Variants in IMPDH1 observed in about 807,000 individuals in gnomAD.
The protein encoded by IMPDH1 is inosine-5'-monophosphate dehydrogenase 1.
IMPDH1 carries 41 observed loss-of-function variants against 73.5 expected under a neutral mutation model. The observed-to-expected ratio is 0.56, with a 90% CI of 0.43 to 0.72. The LOEUF (loss-of-function observed/expected upper bound fraction) is 0.72. IMPDH1 is among the 30% of genes least tolerant of loss of function. IMPDH1 has a pLI of 0.00. For missense variants in IMPDH1, 645 were observed against 824.8 expected, an observed-to-expected ratio of 0.78 and a Z score of 2.67; for synonymous variants, 318 against 334.3, an observed-to-expected ratio of 0.95 and a Z score of 0.53.
rs931888755 is a variant in IMPDH1, at chr7:128,409,938, G to A, written c.-37C>T. ...AGCTCAGGGCGGGCGGGAGCCTGGA[G>A]GCTCCCGGGGCCCCGGCTGGGCAGT... On this transcript the variant is annotated 5_prime_UTR_variant, in exon 1 of 17. Coordinates refer to ENST00000338791, the MANE Select transcript of IMPDH1 (RefSeq NM_000883.4). 7.1e-5 allele frequency: 94 copies of A among 1,327,728 alleles called. No individual in the cohort carries two copies. Among genetic ancestry groups the A allele is most frequent in the Non-Finnish European group, 7.8e-5 (82 of 1,044,882 alleles). 82.2% of individuals were successfully genotyped at this position (1,327,728 alleles called of 1,614,324 possible).
At chr7:128,403,809 AGAG>A in intron 4 of IMPDH1, 55 bp from the exon 5 acceptor site, 1 of 1,504,706 alleles carries the variant, frequency 6.6e-7, no homozygotes, top group South Asian at 1.1e-5. Flanking sequence ...CCAAAGGGGC[AGAG>A]CCTGCCATGC....
Position 128,392,806 on chromosome 7 carries a change from C to T in IMPDH1, c.*201G>A. 6 of 578,722 alleles carry T rather than the reference C, an allele frequency of 1.0e-5. No individual in the cohort carries two copies. Among genetic ancestry groups the T allele is most frequent in the Non-Finnish European group, 1.8e-5 (6 of 324,958 alleles). The allele number at this position is 578,722 out of a possible 1,614,324, so 35.8% of individuals were successfully genotyped here. A position where few individuals can be genotyped will look rare whatever the true frequency, so the allele number is the denominator to read the frequency against. Reference sequence around the variant, plus strand: ...GAGGGGGGCTCCCAGGGCAGCCTGGCCCCGGGAGCAGTCCTGACTCTGCAG... The same window carrying T: ...GAGGGGGGCTCCCAGGGCAGCCTGGTCCCGGGAGCAGTCCTGACTCTGCAG... On this transcript the variant is annotated 3_prime_UTR_variant, in exon 17 of 17. Transcript: ENST00000338791.
intron 4 of IMPDH1, among the ~76,000 whole-genome samples, chr7:128,404,048 G>A (rs538594484): frequency 7.9e-5 from 12 of 152,358 alleles, no homozygotes; most frequent in African/African-American, 2.6e-4. Flanking sequence ...TTTGTCAAGC[G>A]ACACAGAAGT....
rs1449708738 is a variant in IMPDH1, at chr7:128,400,273, G to A, written c.786+60C>T. The A allele has an allele frequency of 2.5e-6, 4 of 1,605,890 alleles. No individual in the cohort carries two copies. In the African/African-American group the frequency reaches 5.4e-5, roughly 21 times the overall value. On this transcript the variant is annotated intron_variant, in intron 8 of 16. Coordinates refer to ENST00000338791, the MANE Select transcript of IMPDH1 (RefSeq NM_000883.4). ...GGTCCCTGGTCACAGGCACCAGTCT[G>A]AGGCCCCAGCGTGAGGGTCCTCTCT...
intron 3 of IMPDH1, among the ~76,000 whole-genome samples, chr7:128,406,534 C>G (rs1441837947): frequency 6.6e-6 from 1 of 151,980 alleles, no homozygotes; most frequent in Non-Finnish European, 1.5e-5. Context: ...AGGGAGCCGG[C>G]ATTCTTCATA....
intron 9 of IMPDH1, among the ~76,000 whole-genome samples, chr7:128,399,427 A>G (rs1286320476): frequency 6.7e-6 from 1 of 149,226 alleles, no homozygotes; most frequent in African/African-American, 2.5e-5. Flanking sequence ...CTGTAATTCC[A>G]GCACTTTGGG....
chr7:128,398,777 C>G lies in IMPDH1; in HGVS notation c.875-164G>C, dbSNP rs1176434115. ...GCCCCCAGGAAGTGTTCCTAGGGACCTAGCCCTCTTCCCAAGGAACAGGGA... is the reference window on the plus strand; with the variant it reads ...GCCCCCAGGAAGTGTTCCTAGGGACGTAGCCCTCTTCCCAAGGAACAGGGA... On this transcript the variant is annotated intron_variant, in intron 9 of 16. Coordinates refer to ENST00000338791, the MANE Select transcript of IMPDH1 (RefSeq NM_000883.4). This position sits in a 1 kb window ranked among gnomAD's most constrained non-coding sequence, Gnocchi z 4.3. Among the ~76,000 whole-genome samples the G allele has an allele frequency of 5.3e-5, 8 of 152,148 alleles. No homozygotes were observed. The highest frequency in any genetic ancestry group is 1.0e-4 in the Non-Finnish European group (7 of 68,022).
At position 128,400,553 on chromosome 7, in the gene IMPDH1, T is replaced by TG. The variant is rs780659161; in HGVS notation, c.580-15dup. 2 of 1,608,842 alleles carry TG rather than the reference T, an allele frequency of 1.2e-6. No individual in the cohort carries two copies. Among genetic ancestry groups the TG allele is most frequent in the Admixed American group, 1.7e-5 (1 of 59,446 alleles). On this transcript the variant is annotated splice_polypyrimidine_tract_variant and intron_variant, in intron 7 of 16. Coordinates refer to ENST00000338791, the MANE Select transcript of IMPDH1 (RefSeq NM_000883.4). The stretch of plus-strand genomic sequence containing the variant: ...CTGTTCAAACTTCTGCGGGCAGAGA[T>TG]GGGGGAGGAAAAGGCTGGAAGAAAG...
intron 4 of IMPDH1, among the ~76,000 whole-genome samples, chr7:128,404,171 C>T (rs547732426): frequency 2.0e-5 from 3 of 152,264 alleles, no homozygotes; most frequent in South Asian, 2.1e-4. Flanking sequence ...AATTTTGTGG[C>T]GCTCAACACA....
In IMPDH1 at chr7:128,398,438, C is replaced by G. The variant is rs1440771248; in HGVS notation, c.1050G>C (p.Gln350His). The part of the protein sequence containing the change: ...DDKYRLDLLT[Q>H]AGVDVIVLDS... ...CCAAGACTATGACGTCGACGCCCGC[C>G]TGGGTGAGCAGGTCCAGACGGTATT... The change falls in exon 10 of 17, where the codon CAG becomes CAC. Residue 350 changes from glutamine to histidine, a missense_variant. By Grantham distance (24) the Gln-to-His change is conservative. Coordinates refer to ENST00000338791, the MANE Select transcript of IMPDH1 (RefSeq NM_000883.4). The surrounding 1 kb of genome is among the most constrained non-coding windows in gnomAD (Gnocchi z 4.3). 2 of 1,613,444 alleles carry G rather than the reference C, an allele frequency of 1.2e-6. No homozygotes were observed. The highest frequency in any genetic ancestry group is 1.7e-5 in the Admixed American group (1 of 60,024).
chr7:128,401,113 G>A lies in IMPDH1; in HGVS notation c.406C>T (p.Leu136=), dbSNP rs748302871. Residue 136 remains leucine, a synonymous_variant, in exon 6 of 17, where the codon CTG becomes TTG. Transcript: ENST00000338791. ...ATCTTCCGGGTCAGGGCTGAGGTCA[G>A]GTCCTGAGGATGGAGGCACAGCCCA... ...FIDFIADEVD[L]TSALTRKITL... The A allele has an allele frequency of 1.2e-6, 2 of 1,612,262 alleles. No individual in the cohort carries two copies. Among genetic ancestry groups the A allele is most frequent in the Non-Finnish European group, 1.7e-6 (2 of 1,178,988 alleles).
At chr7:128,397,681 T>A (rs1798021924) in intron 10 of IMPDH1, among the ~76,000 whole-genome samples, 1 of 152,084 alleles carries the variant, frequency 6.6e-6, no homozygotes, top group South Asian at 2.1e-4. Flanking sequence ...CTACCTCCCT[T>A]TATCGGGGGG....
At chr7:128,405,310 A>G (rs1039263255) in intron 4 of IMPDH1, among the ~76,000 whole-genome samples, 1 of 152,164 alleles carries the variant, frequency 6.6e-6, no homozygotes, top group African/African-American at 2.4e-5. Flanking sequence ...GCTGGACTAG[A>G]CAGTTGGAAA....
chr7:128,394,375 AG>A lies in IMPDH1; in HGVS notation c.1695-15del. The A allele has an allele frequency of 1.2e-6, 2 of 1,613,770 alleles. No homozygotes were observed. The highest frequency in any genetic ancestry group is 1.7e-6 in the Non-Finnish European group (2 of 1,179,708). ...TACATCATGGACCTAGGAGGAAGGT[AG>A]GTGGAGCAGATCAGGGCCACCAAGG... On this transcript the variant is annotated splice_polypyrimidine_tract_variant and intron_variant, in intron 15 of 16. Coordinates refer to ENST00000338791, the MANE Select transcript of IMPDH1 (RefSeq NM_000883.4). The surrounding 1 kb of genome is among the most constrained non-coding windows in gnomAD (Gnocchi z 5.5).
intron 1 of IMPDH1, 48 bp from the exon 2 acceptor site, chr7:128,409,532 C>G: frequency 1.0e-5 from 16 of 1,605,668 alleles, no homozygotes; most frequent in Non-Finnish European, 1.4e-5. Flanking sequence ...CTCCTCCGCT[C>G]CCCCGTGCAA....
At position 128,392,881 on chromosome 7, in the gene IMPDH1, T is replaced by C; in HGVS notation, c.*126A>G. 3.2e-6 allele frequency: 3 copies of C among 940,192 alleles called. No individual in the cohort carries two copies. Among genetic ancestry groups the C allele is most frequent in the South Asian group, 1.4e-5 (1 of 71,966 alleles). The allele number at this position is 940,192 out of a possible 1,614,324, so 58.2% of individuals were successfully genotyped here. ...TCCCCTCAGGACCTCCCCTCCTCTC[T>C]GCCTGGAAAGGAGCTGGAGAACCCG... is the stretch of plus-strand genomic sequence containing the variant. On this transcript the variant is annotated 3_prime_UTR_variant, in exon 17 of 17. Transcript: ENST00000338791.
chr7:128,407,207 T>C (rs965511868), intron 3 of IMPDH1, among the ~76,000 whole-genome samples: 2 of 152,214 alleles, frequency 1.3e-5, no homozygotes, highest in Non-Finnish European at 2.9e-5. Context: ...TGGCTGGCTG[T>C]GGCCCTGGGA....
chr7:128,396,100 C>T lies in IMPDH1; in HGVS notation c.1261+500G>A, dbSNP rs936184482. On this transcript the variant is annotated intron_variant, in intron 12 of 16. Transcript: ENST00000338791. The surrounding 1 kb of genome is among the most constrained non-coding windows in gnomAD (Gnocchi z 4.0). ...AAGTCAGATACCAGCCTCCAGGGAG[C>T]ACCTCCTCAATAACCACATGGGGGA... Among the ~76,000 whole-genome samples the T allele has an allele frequency of 2.6e-5, 4 of 152,152 alleles. No individual in the cohort carries two copies. The highest frequency in any genetic ancestry group is 5.9e-5 in the Non-Finnish European group (4 of 68,026).
rs1313068845 is a variant in IMPDH1 at position 128,405,770 on chromosome 7, T to G, written c.350A>C (p.Tyr117Ser). ...QLFASADGLT[Y>S]NDFLILPGFI... Reference sequence around the variant, plus strand: ...GGGTACGAGACCCGGCGCTTACTTGTAGGTGAGGCCGTCGGCGCTGGCGAA... The same window carrying G: ...GGGTACGAGACCCGGCGCTTACTTGGAGGTGAGGCCGTCGGCGCTGGCGAA... The change falls in exon 4 of 17, where the codon TAC (tyrosine) becomes TCC (serine). Residue 117 changes from tyrosine to serine, a missense_variant. This residue lies in a region of IMPDH1 where 186 missense variants were observed against 186.6 expected (regional missense o/e 1.00). Coordinates refer to ENST00000338791, the MANE Select transcript of IMPDH1 (RefSeq NM_000883.4). The G allele has an allele frequency of 6.5e-7, 1 of 1,536,878 alleles. No homozygotes were observed. The highest frequency in any genetic ancestry group is 8.8e-7 in the Non-Finnish European group (1 of 1,142,504).
Sources: allele counts gnomAD v4.1 joint callset (sites outside exome capture counted in the v4.1 genomes callset), GRCh38; gene constraint gnomAD v4.1.1; regional missense constraint gnomAD v4.1.1; non-coding constraint Gnocchi (gnomAD v3.1); transcripts MANE v1.5; gene names NCBI Gene and HGNC (gene_info 2026-07-23, HGNC 2026-07-21).